Variants in KLHL1 observed in about 807,000 individuals in gnomAD.
KLHL1 encodes the protein kelch like family member 1, also known as kelch-like protein 1.
KLHL1 carries 47 observed loss-of-function variants against 77.7 expected under a neutral mutation model. The ratio of observed to expected loss-of-function variants is 0.60; its 90% CI spans 0.48 to 0.77. KLHL1 has a LOEUF of 0.77. Ranked by LOEUF, KLHL1 falls within the 30% of genes least tolerant of loss-of-function variation. The pLI is 0.00. For synonymous variants in KLHL1, 360 were observed against 325.2 expected (o/e 1.11, Z -1.15); for missense variants, 925 against 910.8 (o/e 1.02, Z -0.20).
chr13:70,052,489 TAGAA>T (rs1886653133), intron 1 of KLHL1, among the ~76,000 whole-genome samples: 1 of 151,940 alleles, frequency 6.6e-6, no homozygotes, highest in South Asian at 2.1e-4. Context: ...CTTCCAAATT[TAGAA>T]ATCACTATCA....
At chr13:70,060,153 C>T (rs1333068098) in intron 1 of KLHL1, among the ~76,000 whole-genome samples, 1 of 152,112 alleles carries the variant, frequency 6.6e-6, no homozygotes, top group East Asian at 1.9e-4. Context: ...CAAATGGAAA[C>T]AGGTGTATGA....
At chr13:69,988,281 C>T (rs200868651) in intron 1 of KLHL1, among the ~76,000 whole-genome samples, 2 of 152,150 alleles carry the variant, frequency 1.3e-5, no homozygotes, top group East Asian at 3.9e-4. Flanking sequence ...CATGTTCCTG[C>T]AAGGACATGA....
intron 3 of KLHL1, among the ~76,000 whole-genome samples, chr13:69,944,971 A>G (rs1451424823): frequency 6.7e-6 from 1 of 150,320 alleles, no homozygotes; most frequent in Admixed American, 6.7e-5. Context: ...ATTAAACTAT[A>G]AAACTTCTTT....
chr13:69,851,486 G>A (rs563554950), intron 5 of KLHL1, among the ~76,000 whole-genome samples: 2 of 151,754 alleles, frequency 1.3e-5, no homozygotes, highest in Admixed American at 1.3e-4. Context: ...CTGTATCACT[G>A]GATTAATTGG....
At chr13:70,023,132 A>G (rs1885845522) in intron 1 of KLHL1, among the ~76,000 whole-genome samples, 1 of 151,920 alleles carries the variant, frequency 6.6e-6, no homozygotes, top group South Asian at 2.1e-4. Context: ...TTCTGAGGTA[A>G]AACAGATAAC....
intron 5 of KLHL1, among the ~76,000 whole-genome samples, chr13:69,880,472 G>A (rs540269262): frequency 4.6e-5 from 7 of 152,056 alleles, no homozygotes; most frequent in South Asian, 2.1e-4. Context: ...TATGTCTATC[G>A]CACACTGTTT....
At chr13:69,819,964 A>G (rs1027480130) in intron 6 of KLHL1, among the ~76,000 whole-genome samples, 1 of 152,164 alleles carries the variant, frequency 6.6e-6, no homozygotes. Flanking sequence ...GCCAGCTGTC[A>G]ATCAGTATGC....
intron 1 of KLHL1, among the ~76,000 whole-genome samples, chr13:70,062,863 A>C (rs1886924080): frequency 6.6e-6 from 1 of 152,188 alleles, no homozygotes; most frequent in Non-Finnish European, 1.5e-5. Context: ...AGAAAACAGA[A>C]AAAGTGAAAA....
chr13:69,974,549 G>T (rs1267355079), intron 2 of KLHL1, among the ~76,000 whole-genome samples: 1 of 151,860 alleles, frequency 6.6e-6, no homozygotes, highest in Non-Finnish European at 1.5e-5. Context: ...AAGACTACAA[G>T]ATTGAAGAAA....
At position 70,107,891 on chromosome 13, in the gene KLHL1, C is replaced by A; in HGVS notation, c.-192G>T. ...CTGGAGCGCAGACGGCAAAGCCGCG[C>A]GTTTCAGCCGTGGTCGGGTCCGCAG... On this transcript the variant is annotated 5_prime_UTR_variant, in exon 1 of 11. Transcript: ENST00000377844. The A allele has an allele frequency of 1.9e-6, 1 of 529,866 alleles. No homozygotes were observed. The highest frequency in any genetic ancestry group is 3.3e-6 in the Non-Finnish European group (1 of 305,864). The allele number at this position is 529,866 out of a possible 1,614,324, so 32.8% of individuals were successfully genotyped here. A position where few individuals can be genotyped will look rare whatever the true frequency, so the allele number is the denominator to read the frequency against.
chr13:69,768,609 T>C (rs1338643563), intron 7 of KLHL1, among the ~76,000 whole-genome samples: 2 of 152,170 alleles, frequency 1.3e-5, no homozygotes, highest in Non-Finnish European at 2.9e-5. Flanking sequence ...ATGAAAAAAT[T>C]ATACTGATTC....
chr13:70,046,687 GTTT>G (rs1021615871), intron 1 of KLHL1, among the ~76,000 whole-genome samples: 1 of 151,890 alleles, frequency 6.6e-6, no homozygotes, highest in Admixed American at 6.6e-5. Context: ...GTTTTGTTCT[GTTT>G]TTTAATAGAG....
chr13:70,011,078 T>C (rs1002417251), intron 1 of KLHL1, among the ~76,000 whole-genome samples: 1 of 152,046 alleles, frequency 6.6e-6, no homozygotes, highest in African/African-American at 2.4e-5. Flanking sequence ...TCAGTTTTAA[T>C]TGTCATTGGG....
intron 4 of KLHL1, among the ~76,000 whole-genome samples, chr13:69,901,248 C>A (rs1450746621): frequency 6.6e-6 from 1 of 152,070 alleles, no homozygotes; most frequent in African/African-American, 2.4e-5. Context: ...TGAAAAAGAA[C>A]CCACATCACA....
chr13:69,761,516 A>C (rs1875019363), intron 7 of KLHL1, among the ~76,000 whole-genome samples: 1 of 152,192 alleles, frequency 6.6e-6, no homozygotes, highest in Non-Finnish European at 1.5e-5. Flanking sequence ...GATTTGGGAT[A>C]AACTTCATTT....
At chr13:69,736,679 G>GAGATAT (rs1555264280) in intron 8 of KLHL1, among the ~76,000 whole-genome samples, 16 of 146,232 alleles carry the variant, frequency 1.1e-4, no homozygotes, top group African/African-American at 3.0e-4. Flanking sequence ...GAGATTGTGA[G>GAGATAT]ATATATATAT....
At chr13:70,036,987 A>T in intron 1 of KLHL1, among the ~76,000 whole-genome samples, 1 of 151,970 alleles carries the variant, frequency 6.6e-6, no homozygotes, top group South Asian at 2.1e-4. Context: ...AGACCAGAGA[A>T]GAACCTTAGA....
chr13:69,719,359 G>A lies in KLHL1; in HGVS notation c.2015+10C>T, dbSNP rs745975212. 1 of 1,609,888 alleles carries A rather than the reference G, an allele frequency of 6.2e-7. No homozygotes were observed. ...TCTCTTTCGCTGTAACAGTGTCCTT[G>A]GGGTCTTACCTTTCTACATAATCCA... is the stretch of plus-strand genomic sequence containing the variant. On this transcript the variant is annotated intron_variant, in intron 9 of 10. Transcript: ENST00000377844.
At chr13:70,030,062 C>T (rs1444763811) in intron 1 of KLHL1, among the ~76,000 whole-genome samples, 1 of 152,180 alleles carries the variant, frequency 6.6e-6, no homozygotes, top group Non-Finnish European at 1.5e-5. Flanking sequence ...AATATATATT[C>T]ACCCAATACA....
Sources: allele counts gnomAD v4.1 joint callset (sites outside exome capture counted in the v4.1 genomes callset), GRCh38; gene constraint gnomAD v4.1.1; transcripts MANE v1.5; gene names NCBI Gene and HGNC (gene_info 2026-07-23, HGNC 2026-07-21).